TRAPPC9: variants seen among roughly 807,000 people sequenced by gnomAD.
TRAPPC9 encodes the protein trafficking protein particle complex subunit 9.
TRAPPC9 carries 83 observed loss-of-function variants against 124.0 expected under a neutral mutation model. The ratio of observed to expected loss-of-function variants is 0.67; its 90% CI spans 0.56 to 0.80. The LOEUF is 0.80. Among genes scored for constraint, TRAPPC9 ranks in the 30% least tolerant of loss-of-function variants. The pLI is 0.00. For synonymous variants in TRAPPC9, 638 were observed against 617.5 expected (o/e 1.03, Z -0.49); for missense variants, 1,302 against 1,508.3 (o/e 0.86, Z 2.27).
intron 19 of TRAPPC9, among the ~76,000 whole-genome samples, chr8:139,957,381 C>T (rs763114760): frequency 6.6e-6 from 1 of 152,224 alleles, no homozygotes; most frequent in Non-Finnish European, 1.5e-5. Context: ...TACGTGTAGC[C>T]TTTTCTTTTT....
chr8:140,437,937 C>T (rs533148664), intron 3 of TRAPPC9, among the ~76,000 whole-genome samples: 4 of 152,290 alleles, frequency 2.6e-5, no homozygotes, highest in African/African-American at 7.2e-5. Flanking sequence ...CCGACTGCTG[C>T]GGGGGATCAG....
chr8:140,203,871 CT>C (rs760118831), intron 17 of TRAPPC9, among the ~76,000 whole-genome samples: 120 of 128,880 alleles, frequency 9.3e-4, no homozygotes, highest in Non-Finnish European at 1.8e-3. Flanking sequence ...AGGTATTAAG[CT>C]CCAAAGACTA....
At chr8:139,902,938 T>A (rs1831111413) in intron 20 of TRAPPC9, among the ~76,000 whole-genome samples, 2 of 152,188 alleles carry the variant, frequency 1.3e-5, no homozygotes, top group Admixed American at 6.5e-5. Flanking sequence ...CTAAAATCCT[T>A]ACACTGTCCT....
At chr8:140,209,166 G>A (rs1412526283) in intron 17 of TRAPPC9, among the ~76,000 whole-genome samples, 3 of 152,194 alleles carry the variant, frequency 2.0e-5, no homozygotes, top group South Asian at 2.1e-4. Flanking sequence ...CTCTGCAGAC[G>A]ATCCGCCTAA....
At position 139,910,225 on chromosome 8, in the gene TRAPPC9, G is replaced by A; in HGVS notation, c.2886C>T (p.Asn962=). The A allele has an allele frequency of 6.2e-7, 1 of 1,614,134 alleles. No individual in the cohort carries two copies. The highest frequency in any genetic ancestry group is 8.5e-7 in the Non-Finnish European group (1 of 1,180,030). ...ESPGEKGQFA[N]PKQLEEERRE... ...GCCGCTCTTCCTCCAGCTGCTTGGG[G>A]TTTGCAAATTGCCCCTTCTCCCCAG... Residue 962 remains asparagine (N), a synonymous_variant, in exon 20 of 23, where the codon AAC becomes AAT. Transcript: ENST00000438773.
intron 17 of TRAPPC9, among the ~76,000 whole-genome samples, chr8:140,215,370 C>T (rs1015524355): frequency 6.6e-6 from 1 of 152,136 alleles, no homozygotes; most frequent in Non-Finnish European, 1.5e-5. Context: ...GCGCCGGGCA[C>T]GGTGGCTCAC....
At chr8:140,128,773 C>G (rs1019425280) in intron 17 of TRAPPC9, among the ~76,000 whole-genome samples, 10 of 152,150 alleles carry the variant, frequency 6.6e-5, no homozygotes, top group Non-Finnish European at 1.3e-4. Context: ...CTCTTTCCAC[C>G]TAGCCATTCT....
chr8:139,925,940 T>G (rs1331766782), intron 19 of TRAPPC9, among the ~76,000 whole-genome samples: 1 of 152,164 alleles, frequency 6.6e-6, no homozygotes, highest in African/African-American at 2.4e-5. Context: ...TGTCTCAGCC[T>G]GACTCCCCAA....
At chr8:139,920,916 G>T (rs1374798754) in intron 19 of TRAPPC9, among the ~76,000 whole-genome samples, 1 of 152,236 alleles carries the variant, frequency 6.6e-6, no homozygotes, top group East Asian at 1.9e-4. Flanking sequence ...AGAGGTCAAG[G>T]AATGGCAGTG....
chr8:139,918,172 C>T (rs769121358), intron 19 of TRAPPC9, among the ~76,000 whole-genome samples: 5 of 152,156 alleles, frequency 3.3e-5, no homozygotes, highest in African/African-American at 7.2e-5. Flanking sequence ...TTGGAGGTTG[C>T]GTGAGGCCCA....
intron 17 of TRAPPC9, among the ~76,000 whole-genome samples, chr8:140,122,766 G>A (rs982848194): frequency 6.6e-6 from 1 of 152,202 alleles, no homozygotes; most frequent in African/African-American, 2.4e-5. Flanking sequence ...TGCAAGGCAA[G>A]TGTGCAGCAC....
intron 7 of TRAPPC9, among the ~76,000 whole-genome samples, chr8:140,395,766 C>T (rs2069074053): frequency 6.6e-6 from 1 of 152,068 alleles, no homozygotes; most frequent in Non-Finnish European, 1.5e-5. Flanking sequence ...TCTCCTCCAC[C>T]CCCTGCCCTG....
chr8:140,217,035 C>A (rs931555897), intron 17 of TRAPPC9, among the ~76,000 whole-genome samples: 1 of 152,180 alleles, frequency 6.6e-6, no homozygotes, highest in Non-Finnish European at 1.5e-5. Flanking sequence ...AACTCGAGGG[C>A]TCCTAAAAAG....
intron 17 of TRAPPC9, among the ~76,000 whole-genome samples, chr8:140,213,764 GC>G: frequency 6.6e-6 from 1 of 152,338 alleles, no homozygotes; most frequent in Admixed American, 6.5e-5. Flanking sequence ...CTTAAGGGAG[GC>G]CTGGCCCCGC....
At chr8:140,271,117 A>T (rs7003961) in intron 15 of TRAPPC9, among the ~76,000 whole-genome samples, 117,745 of 152,174 alleles carry the variant, frequency 0.77, 46,075 homozygotes, top group African/African-American at 0.9. Flanking sequence ...AATTTTCTGT[A>T]ATTCAATATT....
intron 5 of TRAPPC9, among the ~76,000 whole-genome samples, chr8:140,423,390 A>C (rs972207458): frequency 1.3e-5 from 2 of 152,158 alleles, no homozygotes; most frequent in Non-Finnish European, 2.9e-5. Flanking sequence ...CAGTGAGCCA[A>C]GACCGCACCA....
chr8:140,254,893 T>G (rs1023947800), intron 15 of TRAPPC9, among the ~76,000 whole-genome samples: 2 of 152,242 alleles, frequency 1.3e-5, no homozygotes, highest in African/African-American at 4.8e-5. Flanking sequence ...TGTAAAGTCC[T>G]GGTCGGAAGA....
intron 17 of TRAPPC9, among the ~76,000 whole-genome samples, chr8:140,193,157 C>T (rs978365298): frequency 2.2e-4 from 33 of 152,234 alleles, no homozygotes; most frequent in African/African-American, 8.0e-4. Context: ...CATATACCTT[C>T]ATTCCAGAGT....
chr8:139,971,115 G>T (rs1034972394), intron 19 of TRAPPC9, among the ~76,000 whole-genome samples: 2 of 151,978 alleles, frequency 1.3e-5, no homozygotes, highest in African/African-American at 4.8e-5. Flanking sequence ...CCCACCCCGA[G>T]ATCAGCACCC....
Sources: gnomAD v4.1 joint callset for allele counts (sites outside exome capture counted in the v4.1 genomes callset) on GRCh38, gnomAD v4.1.1 for gene constraint, MANE v1.5 for transcripts, NCBI Gene and HGNC (gene_info 2026-07-23, HGNC 2026-07-21) for gene names.